Variants in ELP2 observed in about 807,000 individuals in gnomAD.
The protein encoded by ELP2 is elongator acetyltransferase complex subunit 2, also known as elongator complex protein 2.
In ELP2, 90 loss-of-function variants were observed where a neutral mutation model predicts 119.2. That is an observed-to-expected ratio of 0.75 (90% CI 0.64 to 0.90). The LOEUF (loss-of-function observed/expected upper bound fraction) is 0.90, where lower values mean the gene tolerates loss of function less well. Ranked by LOEUF, ELP2 falls within the 40% of genes least tolerant of loss-of-function variation. The pLI is 0.00. For missense variants in ELP2, 921 were observed against 967.8 expected, an observed-to-expected ratio of 0.95 and a Z score of 0.64; for synonymous variants, 339 against 331.0, an observed-to-expected ratio of 1.02 and a Z score of -0.26.
chr18:36,148,760 C>T (rs1039247037), intron 11 of ELP2, among the ~76,000 whole-genome samples: 23 of 152,110 alleles, frequency 1.5e-4, no homozygotes, highest in African/African-American at 5.6e-4. Context: ...CCTGTGGTCG[C>T]AGCTACTTGG....
At chr18:36,167,446 C>T (rs1177626424) in intron 19 of ELP2, among the ~76,000 whole-genome samples, 1 of 152,182 alleles carries the variant, frequency 6.6e-6, no homozygotes, top group East Asian at 1.9e-4. Flanking sequence ...GAAGACCTTT[C>T]AGACATATGA....
chr18:36,155,713 A>AT (rs1323445734), intron 12 of ELP2, among the ~76,000 whole-genome samples: 2 of 152,034 alleles, frequency 1.3e-5, no homozygotes, highest in Non-Finnish European at 2.9e-5. Context: ...TAATTTTTAG[A>AT]TTTTTTGTAG....
intron 12 of ELP2, 21 bp downstream of exon 12, chr18:36,155,020 A>T (rs747262692): frequency 6.2e-7 from 1 of 1,600,632 alleles, no homozygotes; most frequent in Non-Finnish European, 8.6e-7. Context: ...TTATTTATTT[A>T]TTTATTTTTT....
chr18:36,146,764 A>G (rs985738941), intron 11 of ELP2, among the ~76,000 whole-genome samples: 6 of 152,158 alleles, frequency 3.9e-5, no homozygotes, highest in Non-Finnish European at 8.8e-5. Flanking sequence ...GCAACTTGAA[A>G]GGCTGAGATG....
At chr18:36,146,192 C>T (rs1258958761) in intron 10 of ELP2, 58 bp from the exon 11 acceptor site, 1 of 1,609,148 alleles carries the variant, frequency 6.2e-7, no homozygotes, top group Non-Finnish European at 8.5e-7. Context: ...TCAGCGATTT[C>T]TGTTGTGAGA....
intron 11 of ELP2, among the ~76,000 whole-genome samples, chr18:36,152,344 T>A (rs1034494641): frequency 1.3e-5 from 2 of 152,242 alleles, no homozygotes; most frequent in Non-Finnish European, 2.9e-5. Context: ...CTAATGTTTT[T>A]ATTAGCATCT....
At chr18:36,146,095 CTG>C (rs1368607768) in intron 10 of ELP2, 47 bp downstream of exon 10, 6 of 1,594,398 alleles carry the variant, frequency 3.8e-6, no homozygotes, top group African/African-American at 1.3e-5. Flanking sequence ...GTTTTGAACT[CTG>C]TATTTAAATC....
intron 5 of ELP2, among the ~76,000 whole-genome samples, chr18:36,140,163 A>C (rs1679731748): frequency 6.6e-6 from 1 of 151,232 alleles, no homozygotes; most frequent in African/African-American, 2.4e-5. Flanking sequence ...TAGCTTTGTA[A>C]ATTTTTTATT....
At chr18:36,151,240 A>G (rs1350637120) in intron 11 of ELP2, among the ~76,000 whole-genome samples, 5 of 151,868 alleles carry the variant, frequency 3.3e-5, no homozygotes, top group African/African-American at 1.2e-4. Context: ...AGGCACCGCC[A>G]TGCCCGGCTA....
chr18:36,173,223 A>T (rs1031831042), intron 21 of ELP2, among the ~76,000 whole-genome samples: 9 of 152,248 alleles, frequency 5.9e-5, no homozygotes, highest in African/African-American at 1.9e-4. Flanking sequence ...AGATAACTCT[A>T]ATCCATAATA....
chr18:36,155,642 G>A (rs1404523316), intron 12 of ELP2, among the ~76,000 whole-genome samples: 1 of 152,094 alleles, frequency 6.6e-6, no homozygotes, highest in Non-Finnish European at 1.5e-5. Flanking sequence ...GGCCTCAAGT[G>A]ATCCTCCTGC....
At chr18:36,139,301 T>TA in intron 5 of ELP2, 1 of 1,004,326 alleles carries the variant, frequency 1.0e-6, no homozygotes, top group Non-Finnish European at 1.4e-6. Context: ...CAAGACCACT[T>TA]AAAATCTGCA....
In ELP2 at chr18:36,178,957, A is replaced by G. The variant is rs1457655394; in HGVS notation, c.*4316A>G. On this transcript the variant is annotated 3_prime_UTR_variant, in exon 22 of 22. Coordinates refer to ENST00000358232, the MANE Select transcript of ELP2 (RefSeq NM_018255.4). ...TTGTTTAGAAAGAATGAGCATATCC[A>G]TAAGTTAAATACAAAAATTGTTACA... 1.3e-5 allele frequency: 2 copies of G among 152,218 alleles called. No homozygotes were observed. The highest frequency in any genetic ancestry group is 2.9e-5 in the Non-Finnish European group (2 of 68,042). The allele number at this position is 152,218 out of a possible 1,614,324, so 9.4% of individuals were successfully genotyped here.
At chr18:36,164,882 T>C in intron 18 of ELP2, 1 of 574,224 alleles carries the variant, frequency 1.7e-6, no homozygotes. Flanking sequence ...CTACTTGTGA[T>C]TATGTAGTCA....
chr18:36,130,161 A>G (rs1939953464), intron 1 of ELP2, 90 bp downstream of exon 1: 1 of 1,564,232 alleles, frequency 6.4e-7, no homozygotes, highest in African/African-American at 1.4e-5. Flanking sequence ...GCCGCCCCAG[A>G]CCTAGGAGGC....
intron 1 of ELP2, among the ~76,000 whole-genome samples, chr18:36,130,564 C>T (rs900043421): frequency 6.6e-5 from 10 of 152,140 alleles, no homozygotes; most frequent in Non-Finnish European, 8.8e-5. Context: ...GAGAAAGTGT[C>T]AGTTTGGGGG....
At chr18:36,136,069 C>CT (rs1465295243) in intron 2 of ELP2, among the ~76,000 whole-genome samples, 1 of 152,006 alleles carries the variant, frequency 6.6e-6, no homozygotes, top group Non-Finnish European at 1.5e-5. Flanking sequence ...GATATATGGT[C>CT]TTTGAGGATC....
chr18:36,172,469 C>A (rs2091110689), intron 21 of ELP2, among the ~76,000 whole-genome samples: 1 of 152,070 alleles, frequency 6.6e-6, no homozygotes. Flanking sequence ...ATCTTGTCTC[C>A]ATGTCAGCCA....
At chr18:36,159,441 A>G (rs961409629) in intron 14 of ELP2, among the ~76,000 whole-genome samples, 1 of 152,208 alleles carries the variant, frequency 6.6e-6, no homozygotes, top group Non-Finnish European at 1.5e-5. Flanking sequence ...TGTTAGAACT[A>G]CAGATGAGAA....
Sources: gnomAD v4.1 joint callset for allele counts (sites outside exome capture counted in the v4.1 genomes callset) on GRCh38, gnomAD v4.1.1 for gene constraint, MANE v1.5 for transcripts, NCBI Gene and HGNC (gene_info 2026-07-23, HGNC 2026-07-21) for gene names.